The following LPIN2 variants were observed in gnomAD, a reference collection of about 807,000 sequenced individuals.
The protein encoded by LPIN2 is lipin 2.
Under a neutral mutation model 111.4 loss-of-function variants are expected in LPIN2, and 55 were observed. The observed-to-expected ratio is 0.49, with a 90% CI of 0.40 to 0.62. The LOEUF is 0.62. Among genes scored for constraint, LPIN2 ranks in the 20% least tolerant of loss-of-function variants. The pLI, the probability that LPIN2 is intolerant of heterozygous loss-of-function variation, is 0.00. For missense variants in LPIN2, 992 were observed against 1,112.1 expected (o/e 0.89, Z 1.54); for synonymous variants, 425 against 414.0 (o/e 1.03, Z -0.32).
intron 9 of LPIN2, among the ~76,000 whole-genome samples, chr18:2,929,382 A>G (rs1345724706): frequency 6.6e-6 from 1 of 152,198 alleles, no homozygotes; most frequent in African/African-American, 2.4e-5. Context: ...AGTGAAAACA[A>G]ACAAACTAGT....
In LPIN2 at chr18:2,920,105, G is replaced by A; in HGVS notation, c.*188C>T. ...CCCAGTTCCTCCCTTCTCCTTCCAGGAGCTGAGCTGCAGACCTGCCGAGCC... is the reference window on the plus strand; with the variant it reads ...CCCAGTTCCTCCCTTCTCCTTCCAGAAGCTGAGCTGCAGACCTGCCGAGCC... On this transcript the variant is annotated 3_prime_UTR_variant, in exon 20 of 20. Transcript: ENST00000677752. 1.4e-6 allele frequency: 1 copy of A among 704,572 alleles called. No individual in the cohort carries two copies. Among genetic ancestry groups the A allele is most frequent in the South Asian group, 1.7e-5 (1 of 57,800 alleles). 43.6% of individuals were successfully genotyped at this position (704,572 alleles called of 1,614,324 possible).
intron 17 of LPIN2, among the ~76,000 whole-genome samples, 173 bp downstream of exon 17, chr18:2,921,874 C>T (rs1259383356): frequency 1.3e-5 from 2 of 152,240 alleles, no homozygotes; most frequent in Non-Finnish European, 2.9e-5. Flanking sequence ...TTCACCAGGC[C>T]CGCCACATGG....
rs777268081 is a variant in LPIN2, at chr18:2,960,633, CCTT to C, written c.192+13_192+15del. ...TGAATCTCAGGATGACTTTTCCTCT[CCTT>C]GAGGACACTCACCACTTTCTCTTTG... On this transcript the variant is annotated intron_variant, in intron 2 of 19. Transcript: ENST00000677752. 6.8e-6 allele frequency: 11 copies of C among 1,613,504 alleles called. No homozygotes were observed. In the South Asian group the frequency reaches 9.9e-5, roughly 14 times the overall value.
At chr18:2,921,838 T>C (rs549720089) in intron 17 of LPIN2, among the ~76,000 whole-genome samples, 191 bp from the exon 18 acceptor site, 1 of 152,378 alleles carries the variant, frequency 6.6e-6, no homozygotes, top group Admixed American at 6.5e-5. Context: ...AGGAGAAAAC[T>C]TGACGGTTCC....
At chr18:2,938,123 T>C in intron 6 of LPIN2, 86 bp from the exon 7 acceptor site, 2 of 1,007,750 alleles carry the variant, frequency 2.0e-6, no homozygotes, top group Non-Finnish European at 3.0e-6. Context: ...GTGTTCATTC[T>C]ATTTTTAACT....
intron 1 of LPIN2, among the ~76,000 whole-genome samples, chr18:2,974,432 T>C (rs922408253): frequency 1.3e-5 from 2 of 152,232 alleles, no homozygotes; most frequent in Non-Finnish European, 2.9e-5. Flanking sequence ...GAGCCTGTTA[T>C]TAGAGAAATC....
At chr18:2,933,995 T>C (rs1440424541) in intron 8 of LPIN2, among the ~76,000 whole-genome samples, 2 of 152,240 alleles carry the variant, frequency 1.3e-5, no homozygotes, top group African/African-American at 4.8e-5. Flanking sequence ...CAAATAAAGA[T>C]GTGTTTCTTT....
In LPIN2 at chr18:2,925,350, G is replaced by T. The variant is rs879254186; in HGVS notation, c.1812C>A (p.Ser604=). The T allele has an allele frequency of 1.9e-6, 3 of 1,614,142 alleles. No homozygotes were observed. Among genetic ancestry groups the T allele is most frequent in the Middle Eastern group, 1.7e-4 (1 of 6,060 alleles). The change falls in exon 14 of 20, where the codon TCC becomes TCA. Residue 604 remains serine (S), a synonymous_variant. Coordinates refer to ENST00000677752, the MANE Select transcript of LPIN2 (RefSeq NM_001375808.2). The surrounding 1 kb of genome is among the most constrained non-coding windows in gnomAD (Gnocchi z 4.1). ...PAGARPAEND[S]SSDEGSQELE... is the part of the protein sequence containing the mutation. Reference sequence around the variant, plus strand: ...GCTCCTGTGATCCCTCGTCACTCGAGGAGTCATTCTCGGCCGGCCTGTTCA... The same window carrying T: ...GCTCCTGTGATCCCTCGTCACTCGATGAGTCATTCTCGGCCGGCCTGTTCA...
At chr18:2,983,945 A>AG (rs2078149461) in intron 1 of LPIN2, among the ~76,000 whole-genome samples, 1 of 152,206 alleles carries the variant, frequency 6.6e-6, no homozygotes, top group Non-Finnish European at 1.5e-5. Flanking sequence ...GGCAAGTTAT[A>AG]GGTAAGGAAG....
chr18:2,999,462 G>A (rs955217073), intron 1 of LPIN2, among the ~76,000 whole-genome samples: 11 of 152,102 alleles, frequency 7.2e-5, no homozygotes, highest in East Asian at 1.9e-4. Context: ...AAAATTAGCC[G>A]GGCGCGGTTG....
At position 2,933,823 on chromosome 18, in the gene LPIN2, T is replaced by C. The variant is rs114052164; in HGVS notation, c.1268+528A>G. Among the ~76,000 whole-genome samples, 698 of 152,082 alleles carry C rather than the reference T, an allele frequency of 4.6e-3. 7 individuals carry two copies. Among genetic ancestry groups the C allele is most frequent in the African/African-American group, 0.016 (668 of 41,472 alleles). On this transcript the variant is annotated intron_variant, in intron 8 of 19. Transcript: ENST00000677752. ...TATTTGAAGTAATTCAAAGGGAAAA[T>C]GGTGCGGGACAGTGAGGGAGGCTGG...
chr18:2,920,725 C>T (rs1346786810), intron 19 of LPIN2, 53 bp downstream of exon 19: 5 of 1,359,408 alleles, frequency 3.7e-6, no homozygotes, highest in Admixed American at 3.4e-5. Flanking sequence ...TGTCTGTCCC[C>T]AACTGTACCC....
intron 1 of LPIN2, among the ~76,000 whole-genome samples, chr18:2,969,404 G>C (rs2077866199): frequency 6.6e-6 from 1 of 152,194 alleles, no homozygotes; most frequent in South Asian, 2.1e-4. Context: ...CTGAGAGAAT[G>C]AGATTTAGCC....
chr18:2,994,452 T>A (rs2143440481), intron 1 of LPIN2, among the ~76,000 whole-genome samples: 1 of 152,294 alleles, frequency 6.6e-6, no homozygotes, highest in South Asian at 2.1e-4. Flanking sequence ...GGCCGGGCCA[T>A]GGGGGTGGTG....
intron 1 of LPIN2, among the ~76,000 whole-genome samples, chr18:3,001,578 T>C (rs1011241115): frequency 5.9e-5 from 9 of 152,066 alleles, no homozygotes; most frequent in African/African-American, 2.2e-4. Flanking sequence ...TGAACCTTCA[T>C]CTTGCAGCGT....
At chr18:2,942,856 G>A (rs753379742) in intron 4 of LPIN2, among the ~76,000 whole-genome samples, 1 of 152,224 alleles carries the variant, frequency 6.6e-6, no homozygotes, top group African/African-American at 2.4e-5. Flanking sequence ...CGTGACGTGA[G>A]GCTATAGTGG....
At chr18:2,955,146 T>A (rs2077590001) in intron 2 of LPIN2, among the ~76,000 whole-genome samples, 1 of 152,134 alleles carries the variant, frequency 6.6e-6, no homozygotes. Flanking sequence ...TAATATCATG[T>A]CAAAAAAAAA....
rs1207584993 is a variant in LPIN2, at chr18:2,925,834, A to G, written c.1794-466T>C. ...CAGCCTGGGCAACATAGGGAGACCC[A>G]GTTTCTACGGAACATTTAAAAATTA... On this transcript the variant is annotated intron_variant, in intron 13 of 19. Transcript: ENST00000677752. This position sits in a 1 kb window ranked among gnomAD's most constrained non-coding sequence, Gnocchi z 4.1. 3.3e-5 allele frequency among the ~76,000 whole-genome samples: 5 copies of G among 151,236 alleles called. No homozygotes were observed. In the East Asian group the frequency reaches 9.7e-4, roughly 29 times the overall value.
At chr18:2,956,484 T>TA (rs2077619788) in intron 2 of LPIN2, among the ~76,000 whole-genome samples, 1 of 152,184 alleles carries the variant, frequency 6.6e-6, no homozygotes, top group South Asian at 2.1e-4. Context: ...GGAACTGGCG[T>TA]AAAATAATTA....
Sources: gnomAD v4.1 joint callset for allele counts (sites outside exome capture counted in the v4.1 genomes callset) on GRCh38, gnomAD v4.1.1 for gene constraint, Gnocchi (gnomAD v3.1) non-coding constraint, MANE v1.5 for transcripts, NCBI Gene and HGNC (gene_info 2026-07-23, HGNC 2026-07-21) for gene names.